Variants in TRMU observed in about 807,000 individuals in gnomAD.
The protein encoded by TRMU is mitochondrial tRNA-specific 2-thiouridylase 1.
TRMU carries 49 observed loss-of-function variants against 46.9 expected under a neutral mutation model. That is an observed-to-expected ratio of 1.05 (90% CI 0.83 to 1.33). The LOEUF is 1.33. TRMU is among the 40% of genes most tolerant of loss of function. TRMU has a pLI of 0.00. For missense variants in TRMU, 572 were observed against 532.4 expected, an observed-to-expected ratio of 1.07 and a Z score of -0.73; for synonymous variants, 241 against 200.9, an observed-to-expected ratio of 1.20 and a Z score of -1.69.
intron 10 of TRMU, chr22:46,356,397 C>A: frequency 2.2e-6 from 1 of 448,978 alleles, no homozygotes; most frequent in Non-Finnish European, 4.1e-6. Context: ...GTCGGGGCCC[C>A]TGTGGGCCGA....
chr22:46,343,357 TG>T lies in TRMU; in HGVS notation c.346del (p.Asp116IlefsTer46). 1 of 1,612,016 alleles carries T rather than the reference TG, an allele frequency of 6.2e-7. No individual in the cohort carries two copies. Among genetic ancestry groups the T allele is most frequent in the Non-Finnish European group, 8.5e-7 (1 of 1,178,158 alleles). On this transcript the variant is annotated frameshift_variant, in exon 3 of 11. Coordinates refer to ENST00000645190, the MANE Select transcript of TRMU (RefSeq NM_018006.5). LOFTEE classifies it high-confidence loss of function. ...TTTAGTTGCTTTTTTCATTATGCTG[TG>T]GATAATCTTGGTAAGTAATTTGGGT... Reference protein sequence around the residue: ...IKFSCFFHYAVDNLGADAIAT... With the variant: ...IKFSCFFHYAXDNLGADAIAT...
In TRMU at chr22:46,338,277, G is replaced by A; in HGVS notation, c.248+333G>A. 2.7e-6 allele frequency: 1 copy of A among 369,652 alleles called. No individual in the cohort carries two copies. Among genetic ancestry groups the A allele is most frequent in the South Asian group, 2.4e-5 (1 of 42,322 alleles). 22.9% of individuals were successfully genotyped at this position (369,652 alleles called of 1,614,324 possible). ...GCTCCCCTGGAAGGTGAGCACCAAT[G>A]CCTGTGTGCTATGTGGGTCAGCGAT... On this transcript the variant is annotated intron_variant, in intron 2 of 10. Coordinates refer to ENST00000645190, the MANE Select transcript of TRMU (RefSeq NM_018006.5). The surrounding 1 kb of genome is among the most constrained non-coding windows in gnomAD (Gnocchi z 4.5).
chr22:46,357,275 G>A lies in TRMU; in HGVS notation c.*269G>A, dbSNP rs2078643192. 1 of 564,818 alleles carries A rather than the reference G, an allele frequency of 1.8e-6. No homozygotes were observed. The highest frequency in any genetic ancestry group is 3.2e-6 in the Non-Finnish European group (1 of 315,806). 35.0% of individuals were successfully genotyped at this position (564,818 alleles called of 1,614,324 possible). The stretch of plus-strand genomic sequence containing the variant: ...CCCAGGGAGGGTTTCCCACCTCAGA[G>A]TACACCGAGGGGACCTGCAGAGGGG... On this transcript the variant is annotated 3_prime_UTR_variant, in exon 11 of 11. Transcript: ENST00000645190.
rs1188995239 is a variant in TRMU at position 46,338,810 on chromosome 22, G to T, written c.248+866G>T. On this transcript the variant is annotated intron_variant, in intron 2 of 10. Coordinates refer to ENST00000645190, the MANE Select transcript of TRMU (RefSeq NM_018006.5). This position sits in a 1 kb window ranked among gnomAD's most constrained non-coding sequence, Gnocchi z 4.5. Reference sequence around the variant, plus strand: ...CCCTGACTGTGATGAATGTCGGGCAGTTGTCGAAGGCGTCTGACACAGCAG... The same window carrying T: ...CCCTGACTGTGATGAATGTCGGGCATTTGTCGAAGGCGTCTGACACAGCAG... 6.6e-6 allele frequency among the ~76,000 whole-genome samples: 1 copy of T among 152,154 alleles called. No homozygotes were observed. The highest frequency in any genetic ancestry group is 1.5e-5 in the Non-Finnish European group (1 of 68,020).
intron 7 of TRMU, chr22:46,353,425 G>A (rs1194878272): frequency 2.8e-6 from 1 of 355,884 alleles, no homozygotes; most frequent in Non-Finnish European, 5.5e-6. Flanking sequence ...CTATGTCATG[G>A]GCTCAGCAAG....
In TRMU at chr22:46,336,120, G is replaced by T. The variant is rs532956032; in HGVS notation, c.82+274G>T. The T allele has an allele frequency of 1.9e-5, 26 of 1,348,270 alleles. No homozygotes were observed. Among genetic ancestry groups the T allele is most frequent in the Non-Finnish European group, 5.7e-6 (6 of 1,051,472 alleles). 83.5% of individuals were successfully genotyped at this position (1,348,270 alleles called of 1,614,324 possible). On this transcript the variant is annotated intron_variant, in intron 1 of 10. Transcript: ENST00000645190. The surrounding 1 kb of genome is among the most constrained non-coding windows in gnomAD (Gnocchi z 4.1). ...CGCCCACCCACAGTGAGAAGCCGGCGGGCCGGGGTGGGGTGGGGAGGGAAG... is the reference window on the plus strand; with the variant it reads ...CGCCCACCCACAGTGAGAAGCCGGCTGGCCGGGGTGGGGTGGGGAGGGAAG...
intron 10 of TRMU, chr22:46,356,464 G>A (rs554185266): frequency 2.1e-4 from 88 of 416,074 alleles, no homozygotes; most frequent in Middle Eastern, 7.0e-4. Flanking sequence ...GGAATCTCCA[G>A]GGGCAGGTGG....
In TRMU at chr22:46,357,073, C is replaced by T. The variant is rs899784310; in HGVS notation, c.*67C>T. The stretch of plus-strand genomic sequence containing the variant: ...ATGGCTGGGCGGCTGGTGAGCAGTC[C>T]AGGTGCCCAAGGGCCAGCTTGCTGC... On this transcript the variant is annotated 3_prime_UTR_variant, in exon 11 of 11. Transcript: ENST00000645190. The T allele has an allele frequency of 2.5e-6, 4 of 1,602,066 alleles. No homozygotes were observed. In the African/African-American group the frequency reaches 4.0e-5, roughly 16 times the overall value.
rs965372574 is a variant in TRMU, at chr22:46,350,966, C to T, written c.651+503C>T. ...CATCTTCGCCTCCATGGAGCCCGCC[C>T]GCGAGTGGGGGACACAGGCAGGAGG... is the stretch of plus-strand genomic sequence containing the variant. On this transcript the variant is annotated intron_variant, in intron 5 of 10. Transcript: ENST00000645190. This position sits in a 1 kb window ranked among gnomAD's most constrained non-coding sequence, Gnocchi z 4.6. Among the ~76,000 whole-genome samples the T allele has an allele frequency of 6.6e-5, 10 of 152,200 alleles. No individual in the cohort carries two copies. The highest frequency in any genetic ancestry group is 1.9e-4 in the East Asian group (1 of 5,190).
At chr22:46,340,979 C>A (rs1372731922) in intron 2 of TRMU, among the ~76,000 whole-genome samples, 2 of 152,254 alleles carry the variant, frequency 1.3e-5, no homozygotes, top group Admixed American at 1.3e-4. Context: ...AGACTCACTT[C>A]TCTAGTAGGG....
chr22:46,335,740 G>GCTGGCGAAGTTGGGCGA lies in TRMU; in HGVS notation c.-18_-2dup, dbSNP rs1293533408. The GCTGGCGAAGTTGGGCGA allele has an allele frequency of 6.5e-7, 1 of 1,544,388 alleles. No homozygotes were observed. Among genetic ancestry groups the GCTGGCGAAGTTGGGCGA allele is most frequent in the Non-Finnish European group, 8.7e-7 (1 of 1,148,286 alleles). ...AGGCGCGGAAGCGGCGGTAGCTGCAGCTGGCGAAGTTGGGCGACTGGCGGA... is the reference window on the plus strand; with the variant it reads ...AGGCGCGGAAGCGGCGGTAGCTGCAGCTGGCGAAGTTGGGCGACTGGCGAAGTTGGGCGACTGGCGGA... On this transcript the variant is annotated 5_prime_UTR_variant, in exon 1 of 11. Transcript: ENST00000645190.
rs1473779347 is a variant in TRMU, at chr22:46,343,336, G to A, written c.323G>A (p.Ser108Asn). The A allele has an allele frequency of 3.1e-6, 5 of 1,613,720 alleles. No individual in the cohort carries two copies. Among genetic ancestry groups the A allele is most frequent in the Admixed American group, 3.3e-5 (2 of 59,970 alleles). Residue 108 changes from serine (S) to asparagine (N), a missense_variant, in exon 3 of 11, where the codon AGT (serine) becomes AAT (asparagine). Transcript: ENST00000645190. ...GTTTGCAACAAGCACATCAAATTTA[G>A]TTGCTTTTTTCATTATGCTGTGGAT... Reference protein sequence around the residue: ...DIVCNKHIKFSCFFHYAVDNL... With the variant: ...DIVCNKHIKFNCFFHYAVDNL...
intron 10 of TRMU, chr22:46,356,602 CCT>C (rs1439033623): frequency 3.5e-6 from 2 of 568,692 alleles, no homozygotes; most frequent in Non-Finnish European, 3.1e-6. Flanking sequence ...AGGAGAGGCC[CCT>C]GTGACTGTCC....
At chr22:46,341,117 G>C (rs889585801) in intron 2 of TRMU, among the ~76,000 whole-genome samples, 155 of 152,334 alleles carry the variant, frequency 1.0e-3, no homozygotes, top group African/African-American at 3.5e-3. Context: ...CACATGAAAG[G>C]CTTCTCTTCT....
rs955136792 is a variant in TRMU at position 46,347,898 on chromosome 22, G to C, written c.478+1354G>C. On this transcript the variant is annotated intron_variant, in intron 4 of 10. Coordinates refer to ENST00000645190, the MANE Select transcript of TRMU (RefSeq NM_018006.5). The surrounding 1 kb of genome is among the most constrained non-coding windows in gnomAD (Gnocchi z 5.0). ...GGCTGCAGTGATGGGGCAGGGCCGTGCTTGGTCAAGGGAGCCCTGAGTGTG... is the reference window on the plus strand; with the variant it reads ...GGCTGCAGTGATGGGGCAGGGCCGTCCTTGGTCAAGGGAGCCCTGAGTGTG... 1.3e-4 allele frequency among the ~76,000 whole-genome samples: 20 copies of C among 152,218 alleles called. No homozygotes were observed. The highest frequency in any genetic ancestry group is 4.6e-4 in the African/African-American group (19 of 41,450).
Position 46,350,591 on chromosome 22 carries a change from T to C in TRMU, c.651+128T>C, listed in dbSNP as rs2078390425. Reference sequence around the variant, plus strand: ...AGGACCTAACATCAAAGGCGGGCCTTGGAGCAATAGATGGAGGAGTTTGCT... The same window carrying C: ...AGGACCTAACATCAAAGGCGGGCCTCGGAGCAATAGATGGAGGAGTTTGCT... On this transcript the variant is annotated intron_variant, in intron 5 of 10. Transcript: ENST00000645190. The surrounding 1 kb of genome is among the most constrained non-coding windows in gnomAD (Gnocchi z 4.6). 3.4e-6 allele frequency: 4 copies of C among 1,192,022 alleles called. No individual in the cohort carries two copies. Among genetic ancestry groups the C allele is most frequent in the Middle Eastern group, 2.6e-4 (1 of 3,788 alleles). The allele number at this position is 1,192,022 out of a possible 1,614,324, so 73.8% of individuals were successfully genotyped here.
At chr22:46,355,835 T>C (rs895529847) in intron 9 of TRMU, 155 bp from the exon 10 acceptor site, 4 of 1,017,638 alleles carry the variant, frequency 3.9e-6, no homozygotes, top group Non-Finnish European at 4.4e-6. Flanking sequence ...TGCCCCGCAG[T>C]GTCCTGCTGC....
In TRMU at chr22:46,350,752, G is replaced by GGCCT. The variant is rs1373671212; in HGVS notation, c.651+297_651+300dup. 9.2e-5 allele frequency among the ~76,000 whole-genome samples: 14 copies of GGCCT among 152,208 alleles called. No individual in the cohort carries two copies. Among genetic ancestry groups the GGCCT allele is most frequent in the Non-Finnish European group, 1.8e-4 (12 of 68,028 alleles). On this transcript the variant is annotated intron_variant, in intron 5 of 10. Coordinates refer to ENST00000645190, the MANE Select transcript of TRMU (RefSeq NM_018006.5). The surrounding 1 kb of genome is among the most constrained non-coding windows in gnomAD (Gnocchi z 4.6). ...GCAGCTGGTGGGGTGCTCTTGGGATGGCCTGCCTGCCAGGTGAGTGCCAGG... is the reference window on the plus strand; with the variant it reads ...GCAGCTGGTGGGGTGCTCTTGGGATGGCCTGCCTGCCTGCCAGGTGAGTGCCAGG...
In TRMU at chr22:46,339,805, C is replaced by T. The variant is rs2078073783; in HGVS notation, c.248+1861C>T. 1.3e-5 allele frequency among the ~76,000 whole-genome samples: 2 copies of T among 152,088 alleles called. No homozygotes were observed. The highest frequency in any genetic ancestry group is 2.9e-5 in the Non-Finnish European group (2 of 68,028). On this transcript the variant is annotated intron_variant, in intron 2 of 10. Coordinates refer to ENST00000645190, the MANE Select transcript of TRMU (RefSeq NM_018006.5). This position sits in a 1 kb window ranked among gnomAD's most constrained non-coding sequence, Gnocchi z 4.8. ...ATATGGGTGTCGTATATATTAACAA[C>T]ATGGACAAAACTGATGGCTGAATTT...
Sources: allele counts gnomAD v4.1 joint callset (sites outside exome capture counted in the v4.1 genomes callset), GRCh38; gene constraint gnomAD v4.1.1; non-coding constraint Gnocchi (gnomAD v3.1); transcripts MANE v1.5; gene names NCBI Gene and HGNC (gene_info 2026-07-23, HGNC 2026-07-21).